SREBF1: variants seen among roughly 807,000 people sequenced by gnomAD.
SREBF1 encodes sterol regulatory element-binding protein 1.
A neutral mutation model predicts 100.1 loss-of-function variants in SREBF1; 45 were observed. The observed-to-expected ratio is 0.45, with a 90% CI of 0.35 to 0.58. The LOEUF is 0.58. Ranked by LOEUF, SREBF1 falls within the 20% of genes least tolerant of loss-of-function variation. The probability of loss-of-function intolerance (pLI) is 0.00; values close to 1 mark genes in which losing one functional copy is unlikely to be tolerated. For missense variants in SREBF1, 1,324 were observed against 1,539.4 expected (o/e 0.86, Z 2.34); for synonymous variants, 657 against 681.8 (o/e 0.96, Z 0.57).
At position 17,814,870 on chromosome 17, in the gene SREBF1, C is replaced by G. The variant is rs2033378339; in HGVS notation, c.2567G>C (p.Ser856Thr). ...GGCCATGCTGGAACTGATGGAGAAG[C>G]TGTAGGCAGGAGCCCCCGCAGCATC... is the stretch of plus-strand genomic sequence containing the variant. ...CSDAAGAPAY[S>T]FSISSSMATT... The change falls in exon 14 of 19, where the codon AGC becomes ACC. Residue 856 changes from serine (S) to threonine (T), a missense_variant. Transcript: ENST00000261646. 3 of 1,591,412 alleles carry G rather than the reference C, an allele frequency of 1.9e-6. No homozygotes were observed. Among genetic ancestry groups the G allele is most frequent in the Non-Finnish European group, 2.6e-6 (3 of 1,169,720 alleles).
chr17:17,813,870 G>T, intron 16 of SREBF1, 101 bp from the exon 17 acceptor site: 1 of 1,210,728 alleles, frequency 8.3e-7, no homozygotes, highest in Non-Finnish European at 1.2e-6. Context: ...CTGCACTGCC[G>T]AGGCACTGCA....
At position 17,813,776 on chromosome 17, in the gene SREBF1, G is replaced by A. The variant is rs1315433147; in HGVS notation, c.2902-7C>T. On this transcript the variant is annotated splice_polypyrimidine_tract_variant and splice_region_variant and intron_variant, in intron 16 of 18. Transcript: ENST00000261646. ...ACAGGAACAGCTGCACGGCCTGGGG[G>A]TGGCAGGCAGGGCAGGGGTCACCAG... 1.3e-6 allele frequency: 2 copies of A among 1,535,286 alleles called. No individual in the cohort carries two copies. Among genetic ancestry groups the A allele is most frequent in the Non-Finnish European group, 1.7e-6 (2 of 1,146,530 alleles).
chr17:17,836,755 C>G lies in SREBF1; in HGVS notation c.63G>C (p.Leu21=). 4 of 1,573,060 alleles carry G rather than the reference C, an allele frequency of 2.5e-6. No individual in the cohort carries two copies. Among genetic ancestry groups the G allele is most frequent in the Non-Finnish European group, 3.4e-6 (4 of 1,167,348 alleles). Residue 21 remains leucine, a synonymous_variant, in exon 1 of 19, where the codon CTG becomes CTC. Coordinates refer to ENST00000261646, the MANE Select transcript of SREBF1 (RefSeq NM_004176.5). ...LEQALGEPCD[L]DAALLTDIED... is the part of the protein sequence containing the mutation. ...CGATGTCGGTCAGCAGCGCCGCGTCCAGATCGCACGGCTCGCCCAGCGCCT... is the reference window on the plus strand; with the variant it reads ...CGATGTCGGTCAGCAGCGCCGCGTCGAGATCGCACGGCTCGCCCAGCGCCT...
rs1046982659 is a variant in SREBF1, at chr17:17,815,393, G to A, written c.2384-64C>T. ...CCCCACCCTCCTCTCCAAGCTAAGG[G>A]CTTTTTCCTGGGTGGGCTGGGGCCA... On this transcript the variant is annotated intron_variant, in intron 12 of 18. Transcript: ENST00000261646. 25 of 1,403,632 alleles carry A rather than the reference G, an allele frequency of 1.8e-5. No homozygotes were observed. In the African/African-American group the frequency reaches 3.4e-4, roughly 19 times the overall value. The allele number at this position is 1,403,632 out of a possible 1,614,324, so 86.9% of individuals were successfully genotyped here. A position where few individuals can be genotyped will look rare whatever the true frequency, so the allele number is the denominator to read the frequency against.
intron 1 of SREBF1, among the ~76,000 whole-genome samples, chr17:17,833,776 G>C (rs1184795959): frequency 6.6e-6 from 1 of 152,056 alleles, no homozygotes; most frequent in African/African-American, 2.4e-5. Context: ...CCTGAGCTCA[G>C]GAGTTCGAGA....
chr17:17,814,467 G>A lies in SREBF1; in HGVS notation c.2736-57C>T, dbSNP rs1022655978. The A allele has an allele frequency of 6.5e-6, 10 of 1,544,722 alleles. No homozygotes were observed. The African/African-American group carries it at 1.2e-4, about 19-fold the overall frequency. ...AGACCAGTCCACAAGCCCTGGCTGA[G>A]TGCCCCCCACTTCCCTGGCTCGAGT... is the stretch of plus-strand genomic sequence containing the variant. On this transcript the variant is annotated intron_variant, in intron 15 of 18. Coordinates refer to ENST00000261646, the MANE Select transcript of SREBF1 (RefSeq NM_004176.5).
intron 1 of SREBF1, among the ~76,000 whole-genome samples, chr17:17,823,049 T>C (rs1345892767): frequency 6.6e-6 from 1 of 152,176 alleles, no homozygotes; most frequent in Non-Finnish European, 1.5e-5. Context: ...GCCTCTTCGA[T>C]AGATGGGGGA....
At chr17:17,819,904 C>T (rs1000904601) in intron 2 of SREBF1, 179 bp from the exon 3 acceptor site, 14 of 1,170,000 alleles carry the variant, frequency 1.2e-5, no homozygotes, top group African/African-American at 1.5e-5. Context: ...GCCTCCAGTG[C>T]GAGGTTGCGC....
chr17:17,819,777 C>T, intron 2 of SREBF1, 52 bp from the exon 3 acceptor site: 1 of 1,527,644 alleles, frequency 6.5e-7, no homozygotes, highest in Non-Finnish European at 8.8e-7. Context: ...CTCCCACTTT[C>T]AACCTGCTCT....
At chr17:17,825,406 G>A (rs550686227) in intron 1 of SREBF1, among the ~76,000 whole-genome samples, 6 of 151,300 alleles carry the variant, frequency 4.0e-5, no homozygotes, top group Middle Eastern at 3.4e-3. Flanking sequence ...GGGGTGGGGC[G>A]GGGGGGGCCT....
chr17:17,826,019 G>GC (rs1341694735), intron 1 of SREBF1, among the ~76,000 whole-genome samples: 2 of 152,204 alleles, frequency 1.3e-5, no homozygotes, highest in East Asian at 3.8e-4. Context: ...GGGGCTGCAT[G>GC]CCAGGCCCTG....
At chr17:17,821,850 C>A (rs1318933352) in intron 1 of SREBF1, among the ~76,000 whole-genome samples, 5 of 152,252 alleles carry the variant, frequency 3.3e-5, no homozygotes, top group African/African-American at 4.8e-5. Flanking sequence ...AAGGGTGGGT[C>A]TGGTCCAAAA....
At chr17:17,829,840 A>G (rs2034746040) in intron 1 of SREBF1, among the ~76,000 whole-genome samples, 2 of 152,146 alleles carry the variant, frequency 1.3e-5, no homozygotes, top group South Asian at 2.1e-4. Flanking sequence ...GGGTCTCACA[A>G]TGTTGCCCAG....
At position 17,824,052 on chromosome 17, in the gene SREBF1, A is replaced by G. The variant is rs2034326366; in HGVS notation, c.92-3531T>C. ...CACTGGTTCGCTGGCACCCTGAGCGAGCCTTAACCGCTCCAACCCTCCGTT... is the reference window on the plus strand; with the variant it reads ...CACTGGTTCGCTGGCACCCTGAGCGGGCCTTAACCGCTCCAACCCTCCGTT... On this transcript the variant is annotated intron_variant, in intron 1 of 18. Coordinates refer to ENST00000261646, the MANE Select transcript of SREBF1 (RefSeq NM_004176.5). This position sits in a 1 kb window ranked among gnomAD's most constrained non-coding sequence, Gnocchi z 4.2. Among the ~76,000 whole-genome samples the G allele has an allele frequency of 6.6e-6, 1 of 152,160 alleles. No homozygotes were observed. The highest frequency in any genetic ancestry group is 2.4e-5 in the African/African-American group (1 of 41,408).
chr17:17,813,750 C>T lies in SREBF1; in HGVS notation c.2921G>A (p.Cys974Tyr). 1.3e-6 allele frequency: 2 copies of T among 1,535,502 alleles called. No individual in the cohort carries two copies. The highest frequency in any genetic ancestry group is 1.7e-6 in the Non-Finnish European group (2 of 1,146,818). The part of the protein sequence containing the change: ...SIDKAVQLFL[C>Y]DLLLVVRTSL... ...GGTGCGCACCACAAGAAGCAGGTCA[C>T]ACAGGAACAGCTGCACGGCCTGGGG... Residue 974 changes from cysteine to tyrosine, a missense_variant, in exon 17 of 19, where the codon TGT (cysteine) becomes TAT (tyrosine). Transcript: ENST00000261646.
At chr17:17,830,653 G>A (rs539270535) in intron 1 of SREBF1, among the ~76,000 whole-genome samples, 3 of 152,318 alleles carry the variant, frequency 2.0e-5, no homozygotes, top group African/African-American at 7.2e-5. Flanking sequence ...CTCAAACAGG[G>A]TTCGGGGTAG....
At chr17:17,816,051 G>A (rs773162643) in intron 11 of SREBF1, 23 bp from the exon 12 acceptor site, 18 of 1,608,464 alleles carry the variant, frequency 1.1e-5, no homozygotes, top group Middle Eastern at 1.7e-4. Context: ...GTACTGGGCT[G>A]TCACAGTGGA....
chr17:17,823,856 C>A (rs2034309016), intron 1 of SREBF1, among the ~76,000 whole-genome samples: 1 of 152,016 alleles, frequency 6.6e-6, no homozygotes, highest in South Asian at 2.1e-4. Context: ...AGTTTCACCC[C>A]GCGGCGCTGA....
rs567761336 is a variant in SREBF1 at position 17,836,609 on chromosome 17, C to T, written c.91+118G>A. 5.8e-6 allele frequency: 6 copies of T among 1,043,078 alleles called. No individual in the cohort carries two copies. The African/African-American group carries it at 9.9e-5, about 17-fold the overall frequency. The allele number at this position is 1,043,078 out of a possible 1,614,324, so 64.6% of individuals were successfully genotyped here. Reference sequence around the variant, plus strand: ...CCGAGCTCAGAGACACCGGGAAGTCCCGCGCGAGCACAGCACGGAGCTGGC... The same window carrying T: ...CCGAGCTCAGAGACACCGGGAAGTCTCGCGCGAGCACAGCACGGAGCTGGC... On this transcript the variant is annotated intron_variant, in intron 1 of 18. Transcript: ENST00000261646.
Sources: allele counts gnomAD v4.1 joint callset (sites outside exome capture counted in the v4.1 genomes callset), GRCh38; gene constraint gnomAD v4.1.1; non-coding constraint Gnocchi (gnomAD v3.1); transcripts MANE v1.5; gene names NCBI Gene and HGNC (gene_info 2026-07-23, HGNC 2026-07-21).